Variants in DESI2 observed in about 807,000 individuals in gnomAD.
DESI2 encodes the protein deubiquitinase DESI2.
Under a neutral mutation model 24.1 loss-of-function variants are expected in DESI2, and 10 were observed. The ratio of observed to expected loss-of-function variants is 0.41; its 90% CI spans 0.26 to 0.70. DESI2 has a LOEUF of 0.70. Ranked by LOEUF, DESI2 falls within the 30% of genes least tolerant of loss-of-function variation. The pLI is 0.29. For synonymous variants in DESI2, 71 were observed against 87.7 expected (o/e 0.81, Z 1.06); for missense variants, 122 against 234.9 (o/e 0.52, Z 3.14).
chr1:244,683,455 G>A (rs1676695537), intron 1 of DESI2, among the ~76,000 whole-genome samples: 1 of 151,834 alleles, frequency 6.6e-6, no homozygotes, highest in Non-Finnish European at 1.5e-5. Context: ...GGGACTACAA[G>A]TGCCCGCCAT....
chr1:244,666,700 T>C (rs918346204), intron 1 of DESI2, among the ~76,000 whole-genome samples: 2 of 152,210 alleles, frequency 1.3e-5, no homozygotes, highest in African/African-American at 4.8e-5. Context: ...ATAAGGATTT[T>C]TTAAGTTTCC....
At chr1:244,699,063 C>A (rs1323357899) in intron 4 of DESI2, among the ~76,000 whole-genome samples, 1 of 152,120 alleles carries the variant, frequency 6.6e-6, no homozygotes, top group East Asian at 1.9e-4. Context: ...ACCAGTTTGC[C>A]ACTACTCTGC....
In DESI2 at chr1:244,689,221, C is replaced by T. The variant is rs1676935041; in HGVS notation, c.116-28C>T. The stretch of plus-strand genomic sequence containing the variant: ...CTGGTTAAATTTTATGTGATACATA[C>T]TAAAAATCATGAGTTTTCTCTTTTC... On this transcript the variant is annotated intron_variant, in intron 2 of 4. Transcript: ENST00000302550. The surrounding 1 kb of genome is among the most constrained non-coding windows in gnomAD (Gnocchi z 4.0). 2.6e-6 allele frequency: 3 copies of T among 1,167,242 alleles called. No homozygotes were observed. The highest frequency in any genetic ancestry group is 3.5e-5 in the Admixed American group (2 of 57,876). 72.3% of individuals were successfully genotyped at this position (1,167,242 alleles called of 1,614,324 possible). A position where few individuals can be genotyped will look rare whatever the true frequency, so the allele number is the denominator to read the frequency against.
In DESI2 at chr1:244,695,987, C is replaced by T. The variant is rs1050269891; in HGVS notation, c.351+3967C>T. On this transcript the variant is annotated intron_variant, in intron 4 of 4. Coordinates refer to ENST00000302550, the MANE Select transcript of DESI2 (RefSeq NM_016076.5). The stretch of plus-strand genomic sequence containing the variant: ...GTTGCATTATATTGCCCAGGCTGGT[C>T]TGGAACTCCTGGACTCAAGCAATCC... Among the ~76,000 whole-genome samples the T allele has an allele frequency of 2.0e-5, 3 of 152,204 alleles. No individual in the cohort carries two copies. The East Asian group carries it at 5.8e-4, about 29-fold the overall frequency.
At chr1:244,700,469 G>A (rs999201459) in intron 4 of DESI2, among the ~76,000 whole-genome samples, 10 of 152,010 alleles carry the variant, frequency 6.6e-5, no homozygotes, top group African/African-American at 2.4e-4. Context: ...CTTCTACAGC[G>A]TTTTGTTATC....
At chr1:244,688,909 C>T (rs1676917557) in intron 2 of DESI2, among the ~76,000 whole-genome samples, 1 of 152,058 alleles carries the variant, frequency 6.6e-6, no homozygotes, top group Non-Finnish European at 1.5e-5. Context: ...TAGAAAGTGG[C>T]AAAACACTGA....
intron 1 of DESI2, among the ~76,000 whole-genome samples, chr1:244,655,979 G>A (rs1406631328): frequency 2.6e-5 from 4 of 152,216 alleles, no homozygotes; most frequent in African/African-American, 9.6e-5. Context: ...TTTAGATTGA[G>A]ATACAAATTT....
chr1:244,683,584 T>G (rs1037002001), intron 1 of DESI2, among the ~76,000 whole-genome samples: 2 of 152,176 alleles, frequency 1.3e-5, no homozygotes, highest in Admixed American at 6.5e-5. Flanking sequence ...GTGCTGGGAT[T>G]ACAGGCGTGA....
intron 1 of DESI2, among the ~76,000 whole-genome samples, chr1:244,666,455 TC>T (rs1676050600): frequency 6.6e-6 from 1 of 152,224 alleles, no homozygotes; most frequent in Non-Finnish European, 1.5e-5. Context: ...TATTTTATAG[TC>T]CCCATTCATT....
intron 1 of DESI2, among the ~76,000 whole-genome samples, chr1:244,679,676 A>G (rs1676536173): frequency 6.6e-6 from 1 of 151,466 alleles, no homozygotes; most frequent in African/African-American, 2.4e-5. Flanking sequence ...TTTGAGACCA[A>G]TCTGGCCAAC....
At chr1:244,677,693 T>A (rs1023608897) in intron 1 of DESI2, among the ~76,000 whole-genome samples, 6 of 152,088 alleles carry the variant, frequency 3.9e-5, no homozygotes, top group Non-Finnish European at 8.8e-5. Context: ...GGTGGGAGGA[T>A]TGCTTGAGGC....
At chr1:244,673,702 T>C (rs942039297) in intron 1 of DESI2, among the ~76,000 whole-genome samples, 1 of 152,170 alleles carries the variant, frequency 6.6e-6, no homozygotes, top group African/African-American at 2.4e-5. Flanking sequence ...CCATAACTTA[T>C]ATATTTCACT....
intron 1 of DESI2, among the ~76,000 whole-genome samples, chr1:244,670,047 C>T (rs936303501): frequency 1.3e-5 from 2 of 151,794 alleles, no homozygotes; most frequent in Admixed American, 6.6e-5. Context: ...ACCTCTGCCT[C>T]CTGGGTTCAA....
chr1:244,680,188 C>G (rs999858639), intron 1 of DESI2, among the ~76,000 whole-genome samples: 4 of 152,208 alleles, frequency 2.6e-5, no homozygotes, highest in Admixed American at 2.0e-4. Context: ...TGGCTCATGT[C>G]TGTAACCCCA....
chr1:244,654,694 C>T (rs1675584899), intron 1 of DESI2, among the ~76,000 whole-genome samples: 1 of 152,174 alleles, frequency 6.6e-6, no homozygotes, highest in Non-Finnish European at 1.5e-5. Context: ...TGGCCTGTGT[C>T]ACTGGTTGAG....
Position 244,705,627 on chromosome 1 carries a change from A to G in DESI2, c.423A>G (p.Leu141=), listed in dbSNP as rs1677664044. The part of the protein sequence containing the change: ...LAYFSSCIPF[L]QSCLPKEWLT... ...ACTTCAGCTCCTGTATACCCTTTCT[A>G]CAGAGTTGCCTCCCGAAGGAGTGGC... The change falls in exon 5 of 5, where the codon CTA becomes CTG. Residue 141 remains leucine (L), a synonymous_variant. Coordinates refer to ENST00000302550, the MANE Select transcript of DESI2 (RefSeq NM_016076.5). 3.1e-6 allele frequency: 5 copies of G among 1,614,134 alleles called. No individual in the cohort carries two copies. Among genetic ancestry groups the G allele is most frequent in the Non-Finnish European group, 4.2e-6 (5 of 1,180,008 alleles).
chr1:244,697,871 A>C lies in DESI2; in HGVS notation c.351+5851A>C, dbSNP rs144056058. Among the ~76,000 whole-genome samples, 23 of 152,334 alleles carry C rather than the reference A, an allele frequency of 1.5e-4. 1 individual carries two copies. The East Asian group carries it at 4.4e-3, about 29-fold the overall frequency. ...TCACAAGTAGGAGGAAAAAAGGTTG[A>C]ATCAGTTCTCAGGGCTGGAGCAAAG... On this transcript the variant is annotated intron_variant, in intron 4 of 4. Coordinates refer to ENST00000302550, the MANE Select transcript of DESI2 (RefSeq NM_016076.5).
At chr1:244,682,510 C>T (rs924917579) in intron 1 of DESI2, among the ~76,000 whole-genome samples, 1 of 152,162 alleles carries the variant, frequency 6.6e-6, no homozygotes, top group Non-Finnish European at 1.5e-5. Flanking sequence ...ATCTCTTTCC[C>T]TTTCATCCAC....
At position 244,708,234 on chromosome 1, in the gene DESI2, T is replaced by C. The variant is rs993047882; in HGVS notation, c.*2445T>C. 2.6e-5 allele frequency: 4 copies of C among 152,522 alleles called. No homozygotes were observed. Among genetic ancestry groups the C allele is most frequent in the African/African-American group, 9.6e-5 (4 of 41,464 alleles). 9.4% of individuals were successfully genotyped at this position (152,522 alleles called of 1,614,324 possible). A position where few individuals can be genotyped will look rare whatever the true frequency, so the allele number is the denominator to read the frequency against. On this transcript the variant is annotated 3_prime_UTR_variant, in exon 5 of 5. Coordinates refer to ENST00000302550, the MANE Select transcript of DESI2 (RefSeq NM_016076.5). Reference sequence around the variant, plus strand: ...TGTCACCAAGTGAACATACTTCTCATGGTGGGTTGGACAGTAATACATGTT... The same window carrying C: ...TGTCACCAAGTGAACATACTTCTCACGGTGGGTTGGACAGTAATACATGTT...
Sources: gnomAD v4.1 joint callset for allele counts (sites outside exome capture counted in the v4.1 genomes callset) on GRCh38, gnomAD v4.1.1 for gene constraint, Gnocchi (gnomAD v3.1) non-coding constraint, MANE v1.5 for transcripts, NCBI Gene and HGNC (gene_info 2026-07-23, HGNC 2026-07-21) for gene names.